Variants in ETV1 observed in about 807,000 individuals in gnomAD.
ETV1 encodes ETS translocation variant 1.
ETV1 carries 27 observed loss-of-function variants against 62.3 expected under a neutral mutation model. The observed-to-expected ratio is 0.43, with a 90% CI of 0.32 to 0.60. The LOEUF is 0.60. Among genes scored for constraint, ETV1 ranks in the 20% least tolerant of loss-of-function variants. ETV1 has a pLI of 0.06. For missense variants in ETV1, 605 were observed against 605.8 expected (o/e 1.00, Z 0.01); for synonymous variants, 222 against 199.6 (o/e 1.11, Z -0.94).
chr7:13,973,681 TG>T (rs1168966815), intron 6 of ETV1, among the ~76,000 whole-genome samples: 11 of 152,192 alleles, frequency 7.2e-5, no homozygotes, highest in Admixed American at 7.2e-4. Flanking sequence ...GACTTATTTT[TG>T]CCTCTGTTTA....
In ETV1 at chr7:13,962,529, A is replaced by G. The variant is rs543204049; in HGVS notation, c.235+14898T>C. On this transcript the variant is annotated intron_variant, in intron 6 of 13. Transcript: ENST00000430479. ...AGACGCAAAATGTGATATTCAATTA[A>G]TTTCAGCACATTAGCAAATGTTCCT... is the stretch of plus-strand genomic sequence containing the variant. Among the ~76,000 whole-genome samples the G allele has an allele frequency of 4.6e-5, 7 of 152,268 alleles. No individual in the cohort carries two copies. In the South Asian group the frequency reaches 1.4e-3, roughly 32 times the overall value.
chr7:13,919,796 ATACT>A (rs1307685152), intron 9 of ETV1, among the ~76,000 whole-genome samples: 2 of 152,230 alleles, frequency 1.3e-5, no homozygotes, highest in East Asian at 1.9e-4. Flanking sequence ...CTAAAAACAG[ATACT>A]TAGTTATGTA....
intron 12 of ETV1, among the ~76,000 whole-genome samples, chr7:13,905,019 G>A (rs1373918477): frequency 6.7e-6 from 1 of 149,596 alleles, no homozygotes; most frequent in Non-Finnish European, 1.5e-5. Context: ...CTTGATGTGG[G>A]GCAAGGGAGA....
intron 6 of ETV1, among the ~76,000 whole-genome samples, chr7:13,970,959 T>A (rs1314010410): frequency 1.3e-5 from 2 of 152,090 alleles, no homozygotes; most frequent in Non-Finnish European, 1.5e-5. Flanking sequence ...ATTCTTTCTT[T>A]TATTTATTTT....
At chr7:13,988,256 A>ACC in intron 3 of ETV1, 83 bp from the exon 4 acceptor site, 1 of 818,004 alleles carries the variant, frequency 1.2e-6, no homozygotes, top group Non-Finnish European at 2.1e-6. Flanking sequence ...ACACACACAC[A>ACC]CAGACATGCA....
At chr7:13,931,840 A>T in intron 8 of ETV1, 91 bp from the exon 9 acceptor site, 1 of 1,466,856 alleles carries the variant, frequency 6.8e-7, no homozygotes, top group South Asian at 1.3e-5. Flanking sequence ...TAGTGAACGA[A>T]CATGATACCA....
rs149993085 is a variant in ETV1, at chr7:13,957,821, G to A, written c.236-18575C>T. 2.6e-3 allele frequency among the ~76,000 whole-genome samples: 401 copies of A among 152,288 alleles called. 1 individual carries two copies. Among genetic ancestry groups the A allele is most frequent in the African/African-American group, 9.3e-3 (387 of 41,562 alleles). ...ACTAGAAAAGTATGAAGATGAAAGAGCGCTCTGCTTTCCTTCCAAGTGTGC... is the reference window on the plus strand; with the variant it reads ...ACTAGAAAAGTATGAAGATGAAAGAACGCTCTGCTTTCCTTCCAAGTGTGC... On this transcript the variant is annotated intron_variant, in intron 6 of 13. Coordinates refer to ENST00000430479, the MANE Select transcript of ETV1 (RefSeq NM_004956.5).
chr7:13,896,118 C>A, intron 13 of ETV1, 31 bp from the exon 14 acceptor site: 2 of 1,572,772 alleles, frequency 1.3e-6, no homozygotes, highest in South Asian at 2.3e-5. Context: ...AAAAACCCAT[C>A]CTCACCATCG....
At chr7:13,960,323 T>G (rs1790017201) in intron 6 of ETV1, among the ~76,000 whole-genome samples, 1 of 152,172 alleles carries the variant, frequency 6.6e-6, no homozygotes, top group African/African-American at 2.4e-5. Context: ...CTATAGCTTA[T>G]AAAGTCCTCT....
intron 6 of ETV1, among the ~76,000 whole-genome samples, chr7:13,963,239 C>A (rs1407954549): frequency 6.6e-6 from 1 of 151,944 alleles, no homozygotes; most frequent in Non-Finnish European, 1.5e-5. Context: ...CAGTTCACAG[C>A]ACCTAGCACA....
At chr7:13,949,487 G>T (rs987858239) in intron 6 of ETV1, among the ~76,000 whole-genome samples, 1 of 152,218 alleles carries the variant, frequency 6.6e-6, no homozygotes, top group South Asian at 2.1e-4. Context: ...GAAGCAGAAG[G>T]CATTTTCAGC....
At chr7:13,949,197 G>A (rs186015099) in intron 6 of ETV1, among the ~76,000 whole-genome samples, 22 of 152,150 alleles carry the variant, frequency 1.4e-4, no homozygotes, top group African/African-American at 5.3e-4. Flanking sequence ...AGGGAGGGGA[G>A]AAGTAAATGG....
At chr7:13,951,896 C>G (rs1788856009) in intron 6 of ETV1, among the ~76,000 whole-genome samples, 1 of 152,042 alleles carries the variant, frequency 6.6e-6, no homozygotes, top group South Asian at 2.1e-4. Context: ...TAGTATTAGT[C>G]CAACCACTTC....
At chr7:13,951,180 A>G (rs894544288) in intron 6 of ETV1, among the ~76,000 whole-genome samples, 10 of 152,178 alleles carry the variant, frequency 6.6e-5, no homozygotes, top group African/African-American at 2.4e-4. Context: ...GTAAATGTGC[A>G]TGTGCATGTT....
chr7:13,948,216 TCTC>T (rs1788394405), intron 6 of ETV1, among the ~76,000 whole-genome samples: 1 of 152,100 alleles, frequency 6.6e-6, no homozygotes, highest in Non-Finnish European at 1.5e-5. Context: ...GATGGAAAGG[TCTC>T]CTTCTATATG....
At chr7:13,911,053 T>C (rs1783508445) in intron 10 of ETV1, among the ~76,000 whole-genome samples, 186 bp downstream of exon 10, 1 of 152,230 alleles carries the variant, frequency 6.6e-6, no homozygotes, top group Non-Finnish European at 1.5e-5. Flanking sequence ...ATGACTCATG[T>C]TAACAACAAG....
intron 12 of ETV1, among the ~76,000 whole-genome samples, chr7:13,903,314 AT>A (rs1328661038): frequency 6.6e-6 from 1 of 152,228 alleles, no homozygotes. Flanking sequence ...TAATCAACTT[AT>A]TTTAAAATAT....
rs1782989626 is a variant in ETV1 at position 13,906,613 on chromosome 7, T to C, written c.941-14A>G. ...GTTTGATGTCTCCTAAATTAAAACATTTTTAAGTTTCTATTATTAGCAATA... is the reference window on the plus strand; with the variant it reads ...GTTTGATGTCTCCTAAATTAAAACACTTTTAAGTTTCTATTATTAGCAATA... On this transcript the variant is annotated splice_polypyrimidine_tract_variant and intron_variant, in intron 11 of 13. Coordinates refer to ENST00000430479, the MANE Select transcript of ETV1 (RefSeq NM_004956.5). 6.4e-7 allele frequency: 1 copy of C among 1,570,880 alleles called. No individual in the cohort carries two copies. Among genetic ancestry groups the C allele is most frequent in the Non-Finnish European group, 8.6e-7 (1 of 1,159,202 alleles).
chr7:13,921,058 T>C (rs571581697), intron 9 of ETV1, among the ~76,000 whole-genome samples: 5 of 152,194 alleles, frequency 3.3e-5, no homozygotes, highest in Non-Finnish European at 5.9e-5. Context: ...AGATAAGATG[T>C]TAACATTTTC....
Sources: allele counts gnomAD v4.1 joint callset (sites outside exome capture counted in the v4.1 genomes callset), GRCh38; gene constraint gnomAD v4.1.1; transcripts MANE v1.5; gene names NCBI Gene and HGNC (gene_info 2026-07-23, HGNC 2026-07-21).